The following SLC4A5 variants were observed in gnomAD, a reference collection of about 807,000 sequenced individuals.
SLC4A5 encodes the protein solute carrier family 4 member 5.
In SLC4A5, 96 loss-of-function variants were observed where a neutral mutation model predicts 120.4. The ratio of observed to expected loss-of-function variants is 0.80; its 90% CI spans 0.68 to 0.94. SLC4A5 has a LOEUF of 0.94. Ranked by LOEUF, SLC4A5 falls within the 40% of genes least tolerant of loss-of-function variation. SLC4A5 has a pLI of 0.00. For missense variants in SLC4A5, 1,259 were observed against 1,459.5 expected (o/e 0.86, Z 2.24); for synonymous variants, 550 against 571.1 (o/e 0.96, Z 0.53).
At chr2:74,285,659 T>C (rs1041921971) in intron 8 of SLC4A5, 114 bp downstream of exon 8, 2 of 1,311,658 alleles carry the variant, frequency 1.5e-6, no homozygotes, top group South Asian at 2.7e-5. Flanking sequence ...GGGAGGGTCT[T>C]TGTGGACCAG....
intron 6 of SLC4A5, among the ~76,000 whole-genome samples, chr2:74,310,081 C>T (rs1475729228): frequency 6.6e-6 from 1 of 152,052 alleles, no homozygotes; most frequent in African/African-American, 2.4e-5. Context: ...GCTAGTGTAT[C>T]ATGTCTTAAA....
chr2:74,228,571 G>A lies in SLC4A5; in HGVS notation c.2848-693C>T, dbSNP rs528031610. On this transcript the variant is annotated intron_variant, in intron 25 of 30. Transcript: ENST00000394019. ...CTTGAATCCGGGAGATGGAGGTTGC[G>A]GTGAGCTGAGATCGTGCTACTGAAC... 6.6e-5 allele frequency among the ~76,000 whole-genome samples: 10 copies of A among 152,148 alleles called. No homozygotes were observed. In the South Asian group the frequency reaches 1.0e-3, roughly 16 times the overall value.
chr2:74,304,413 C>T (rs565777645), intron 7 of SLC4A5, 76 bp downstream of exon 7: 64 of 1,395,462 alleles, frequency 4.6e-5, no homozygotes, highest in Non-Finnish European at 3.2e-5. Context: ...TCCAGAAAAT[C>T]CCCCCTGCCC....
At position 74,342,173 on chromosome 2, in the gene SLC4A5, A is replaced by G. The variant is rs558564634; in HGVS notation, c.-270+285T>C. 2.6e-5 allele frequency among the ~76,000 whole-genome samples: 4 copies of G among 152,344 alleles called. No homozygotes were observed. The East Asian group carries it at 7.7e-4, about 29-fold the overall frequency. On this transcript the variant is annotated intron_variant, in intron 2 of 30. Coordinates refer to ENST00000394019, the Ensembl canonical transcript of SLC4A5. ...CCAGTTGATTCTGGTTTGGGAAATGATAACACTGGAGAACACACTCTACTA... is the reference window on the plus strand; with the variant it reads ...CCAGTTGATTCTGGTTTGGGAAATGGTAACACTGGAGAACACACTCTACTA...
At chr2:74,277,182 A>G (rs1573053484) in intron 8 of SLC4A5, among the ~76,000 whole-genome samples, 1 of 152,252 alleles carries the variant, frequency 6.6e-6, no homozygotes, top group East Asian at 1.9e-4. Context: ...ACAGTCCCCA[A>G]CAGCTCACTC....
In SLC4A5 at chr2:74,319,766, A is replaced by C. The variant is rs78134514; in HGVS notation, c.-2-4741T>G. On this transcript the variant is annotated intron_variant, in intron 5 of 30. Coordinates refer to ENST00000394019, the Ensembl canonical transcript of SLC4A5. ...ACCTCTTTGAGATCTGTAAATAATA[A>C]ATTTCTTCTGTTTTATGCATTTTGG... Among the ~76,000 whole-genome samples, 424 of 152,012 alleles carry C rather than the reference A, an allele frequency of 2.8e-3. 3 individuals carry two copies. The East Asian group carries it at 0.032, about 12-fold the overall frequency.
At chr2:74,222,702 G>A (rs1423454602) in intron 29 of SLC4A5, among the ~76,000 whole-genome samples, 166 bp downstream of exon 29, 3 of 152,180 alleles carry the variant, frequency 2.0e-5, no homozygotes, top group Non-Finnish European at 4.4e-5. Context: ...CTGGTCCGTG[G>A]AAAAACTATC....
rs760108642 is a variant in SLC4A5 at position 74,230,401 on chromosome 2, G to A, written c.2847+835C>T. Among the ~76,000 whole-genome samples, 36 of 152,232 alleles carry A rather than the reference G, an allele frequency of 2.4e-4. 1 individual carries two copies. Among genetic ancestry groups the A allele is most frequent in the South Asian group, 6.2e-4 (3 of 4,828 alleles). On this transcript the variant is annotated intron_variant, in intron 25 of 30. Coordinates refer to ENST00000394019, the Ensembl canonical transcript of SLC4A5. ...TACTTGACTTAGTCTCTTAGCTGTTGTGGTGGGACATAAGCAAGAGGAGCT... is the reference window on the plus strand; with the variant it reads ...TACTTGACTTAGTCTCTTAGCTGTTATGGTGGGACATAAGCAAGAGGAGCT...
chr2:74,219,180 T>G (rs1412328791), intron 30 of SLC4A5, among the ~76,000 whole-genome samples: 5 of 74,308 alleles, frequency 6.7e-5, no homozygotes, highest in East Asian at 3.0e-4. Context: ...TTTGGAGGTG[T>G]GTGTGTGTGT....
At chr2:74,237,224 C>T (rs990567190) in intron 21 of SLC4A5, among the ~76,000 whole-genome samples, 1 of 152,186 alleles carries the variant, frequency 6.6e-6, no homozygotes, top group Non-Finnish European at 1.5e-5. Flanking sequence ...GATCCGCCTG[C>T]CTGGGCCTCC....
chr2:74,304,340 T>C (rs1324281088), intron 7 of SLC4A5, 149 bp downstream of exon 7: 5 of 741,324 alleles, frequency 6.7e-6, no homozygotes, highest in Admixed American at 3.3e-5. Flanking sequence ...TGGCCAACAA[T>C]GGAAGCAGAG....
chr2:74,313,894 G>A (rs930000542), intron 6 of SLC4A5, among the ~76,000 whole-genome samples: 1 of 152,168 alleles, frequency 6.6e-6, no homozygotes, highest in Admixed American at 6.5e-5. Context: ...CCAAGAGGCA[G>A]CTGCCCTAGG....
rs1270455406 is a variant in SLC4A5, at chr2:74,255,348, A to G, written c.1025+427T>C. 6.6e-6 allele frequency among the ~76,000 whole-genome samples: 1 copy of G among 151,976 alleles called. No individual in the cohort carries two copies. The highest frequency in any genetic ancestry group is 2.4e-5 in the African/African-American group (1 of 41,362). ...TGCTCTGTTGCCCAGGCTGGGGTGC[A>G]ATAGCATGATCTCGGCTCACTGCAA... is the stretch of plus-strand genomic sequence containing the variant. On this transcript the variant is annotated intron_variant, in intron 13 of 30. Coordinates refer to ENST00000394019, the Ensembl canonical transcript of SLC4A5. This position sits in a 1 kb window ranked among gnomAD's most constrained non-coding sequence, Gnocchi z 4.0.
intron 7 of SLC4A5, among the ~76,000 whole-genome samples, chr2:74,304,010 C>T (rs1030038699): frequency 2.0e-4 from 31 of 151,756 alleles, no homozygotes; most frequent in African/African-American, 6.8e-4. Context: ...CCACTACGCC[C>T]GGCTAATTTT....
In SLC4A5 at chr2:74,261,413, G is replaced by C. The variant is rs553558416; in HGVS notation, c.811+724C>G. Among the ~76,000 whole-genome samples the C allele has an allele frequency of 3.3e-5, 5 of 152,240 alleles. No individual in the cohort carries two copies. The East Asian group carries it at 9.6e-4, about 29-fold the overall frequency. On this transcript the variant is annotated intron_variant, in intron 11 of 30. Coordinates refer to ENST00000394019, the Ensembl canonical transcript of SLC4A5. Reference sequence around the variant, plus strand: ...GCTGTGCCCAAGGCCACAGGCAGGGGCTGCATTGCCCCCAAGTCACTCCTT... The same window carrying C: ...GCTGTGCCCAAGGCCACAGGCAGGGCCTGCATTGCCCCCAAGTCACTCCTT...
In SLC4A5 at chr2:74,264,131, G is replaced by C; in HGVS notation, c.715+16C>G. 3 of 1,611,230 alleles carry C rather than the reference G, an allele frequency of 1.9e-6. No homozygotes were observed. The highest frequency in any genetic ancestry group is 1.7e-6 in the Non-Finnish European group (2 of 1,178,698). ...CCCTGCATGTCCCATGCCTACCAGC[G>C]TAAGGCCTGACTCACTTGTGGTGGA... On this transcript the variant is annotated intron_variant, in intron 10 of 30. Coordinates refer to ENST00000394019, the Ensembl canonical transcript of SLC4A5.
chr2:74,247,129 T>C, exon 19 of SLC4A5: 1 of 1,614,172 alleles, frequency 6.2e-7, no homozygotes, highest in Non-Finnish European at 8.5e-7. Flanking sequence ...GCACCGATCA[T>C]CTTCTTGATG....
intron 5 of SLC4A5, among the ~76,000 whole-genome samples, chr2:74,322,703 G>C (rs1673125907): frequency 6.6e-6 from 1 of 152,100 alleles, no homozygotes; most frequent in African/African-American, 2.4e-5. Flanking sequence ...ATAACTAAGA[G>C]GTCTCCCCAA....
In SLC4A5 at chr2:74,302,447, T is replaced by C. The variant is rs1422254435; in HGVS notation, c.271+2042A>G. On this transcript the variant is annotated intron_variant, in intron 7 of 30. Coordinates refer to ENST00000394019, the Ensembl canonical transcript of SLC4A5. Reference sequence around the variant, plus strand: ...GCCTGCCCAACATGGTGAAACCCTGTTTCTACTAAAAATACAAAAATTAGC... The same window carrying C: ...GCCTGCCCAACATGGTGAAACCCTGCTTCTACTAAAAATACAAAAATTAGC... 2.0e-5 allele frequency among the ~76,000 whole-genome samples: 3 copies of C among 152,042 alleles called. No individual in the cohort carries two copies. In the East Asian group the frequency reaches 5.8e-4, roughly 29 times the overall value.
Sources: gnomAD v4.1 joint callset for allele counts (sites outside exome capture counted in the v4.1 genomes callset) on GRCh38, gnomAD v4.1.1 for gene constraint, Gnocchi (gnomAD v3.1) non-coding constraint, MANE v1.5 for transcripts, NCBI Gene and HGNC (gene_info 2026-07-23, HGNC 2026-07-21) for gene names.